Variants in KIAA1217 observed in about 807,000 individuals in gnomAD.
The protein encoded by KIAA1217 is KIAA1217.
KIAA1217 carries 88 observed loss-of-function variants against 163.9 expected under a neutral mutation model. The ratio of observed to expected loss-of-function variants is 0.54; its 90% CI spans 0.45 to 0.64. The LOEUF is 0.64. KIAA1217 is among the 30% of genes least tolerant of loss of function. The pLI is 0.00. For missense variants in KIAA1217, 2,372 were observed against 2,475.0 expected (o/e 0.96, Z 0.88); for synonymous variants, 903 against 923.1 (o/e 0.98, Z 0.39).
At chr10:23,940,443 A>G (rs1355155898) in intron 1 of KIAA1217, among the ~76,000 whole-genome samples, 3 of 147,974 alleles carry the variant, frequency 2.0e-5, no homozygotes, top group Non-Finnish European at 4.5e-5. Flanking sequence ...CTGGGCGACA[A>G]CAGAGAGACT....
intron 1 of KIAA1217, among the ~76,000 whole-genome samples, chr10:23,972,543 A>G (rs1388595741): frequency 6.6e-6 from 1 of 152,106 alleles, no homozygotes; most frequent in Non-Finnish European, 1.5e-5. Flanking sequence ...ATTCTCACTC[A>G]CTATAAATAA....
intron 3 of KIAA1217, among the ~76,000 whole-genome samples, chr10:24,426,820 T>C (rs979600229): frequency 1.3e-5 from 2 of 152,106 alleles, no homozygotes; most frequent in Non-Finnish European, 2.9e-5. Context: ...ATGTGCACCG[T>C]AAGAGGTCCA....
At chr10:24,447,395 C>T (rs2061027738) in intron 5 of KIAA1217, among the ~76,000 whole-genome samples, 1 of 152,098 alleles carries the variant, frequency 6.6e-6, no homozygotes, top group South Asian at 2.1e-4. Context: ...ACTCCTCCCA[C>T]CCCACAACAG....
At chr10:23,990,082 C>A (rs2059408687) in intron 1 of KIAA1217, among the ~76,000 whole-genome samples, 1 of 152,126 alleles carries the variant, frequency 6.6e-6, no homozygotes, top group Admixed American at 6.6e-5. Context: ...CCTGTGTCCC[C>A]TTTTTTATGG....
At chr10:23,802,047 G>A (rs1836491932) in intron 1 of KIAA1217, among the ~76,000 whole-genome samples, 2 of 152,168 alleles carry the variant, frequency 1.3e-5, no homozygotes, top group Admixed American at 1.3e-4. Context: ...GACCTTCTTG[G>A]AAATAGTTTT....
intron 1 of KIAA1217, among the ~76,000 whole-genome samples, chr10:23,797,746 C>G (rs150373218): frequency 2.0e-5 from 3 of 152,164 alleles, no homozygotes; most frequent in African/African-American, 4.8e-5. Flanking sequence ...CCCCTATGAT[C>G]CCATCACCTC....
At chr10:24,037,642 G>T (rs1848452289) in intron 2 of KIAA1217, among the ~76,000 whole-genome samples, 1 of 152,190 alleles carries the variant, frequency 6.6e-6, no homozygotes, top group Admixed American at 6.5e-5. Flanking sequence ...GAGACAGATT[G>T]TCTATTCCAG....
At chr10:23,944,995 G>T (rs969631336) in intron 1 of KIAA1217, among the ~76,000 whole-genome samples, 3 of 150,624 alleles carry the variant, frequency 2.0e-5, no homozygotes, top group Non-Finnish European at 4.4e-5. Context: ...GGAGGCGGAG[G>T]TTGCAGTGAG....
chr10:23,725,882 G>T (rs1411752788), intron 1 of KIAA1217, among the ~76,000 whole-genome samples: 1 of 152,146 alleles, frequency 6.6e-6, no homozygotes, highest in Non-Finnish European at 1.5e-5. Context: ...TAATAGATAT[G>T]TATACCAACT....
intron 2 of KIAA1217, among the ~76,000 whole-genome samples, chr10:24,371,502 A>G (rs1313839315): frequency 2.0e-5 from 3 of 152,208 alleles, no homozygotes; most frequent in Non-Finnish European, 4.4e-5. Context: ...AAAAGGTGGA[A>G]TGCAATCTGC....
intron 2 of KIAA1217, among the ~76,000 whole-genome samples, chr10:24,162,806 A>G (rs955110871): frequency 9.2e-5 from 14 of 152,074 alleles, no homozygotes; most frequent in African/African-American, 3.1e-4. Context: ...TCTGTTTCCA[A>G]GCTCTCTTAT....
chr10:24,484,241 A>ATTTTTTTTTTTTTT (rs59233394), intron 6 of KIAA1217, among the ~76,000 whole-genome samples: 3 of 75,144 alleles, frequency 4.0e-5, no homozygotes, highest in Non-Finnish European at 5.0e-5. Flanking sequence ...ATATATATAT[A>ATTTTTTTTTTTTTT]TTTTTTTTTT....
intron 2 of KIAA1217, among the ~76,000 whole-genome samples, chr10:24,192,121 C>T (rs916961675): frequency 1.3e-5 from 2 of 152,120 alleles, no homozygotes; most frequent in South Asian, 4.1e-4. Context: ...AAAGGAAGAT[C>T]CAAAGAAAGA....
At chr10:24,388,785 T>G (rs185249619) in intron 3 of KIAA1217, among the ~76,000 whole-genome samples, 1,717 of 151,612 alleles carry the variant, frequency 0.011, 35 homozygotes, top group African/African-American at 0.039. Flanking sequence ...CATTTATGCA[T>G]CCAACAGACA....
At chr10:24,019,314 AC>A (rs1460696039) in intron 2 of KIAA1217, among the ~76,000 whole-genome samples, 4 of 152,092 alleles carry the variant, frequency 2.6e-5, no homozygotes, top group Admixed American at 6.6e-5. Flanking sequence ...ATAAATATAT[AC>A]AATTTGGCAT....
chr10:24,206,299 C>G (rs1283156704), upstream of KIAA1217, among the ~76,000 whole-genome samples: 2 of 152,178 alleles, frequency 1.3e-5, no homozygotes, highest in East Asian at 3.9e-4. Context: ...ATTTTTAAGC[C>G]CAGAAATTAA....
chr10:24,160,156 C>T (rs972693514), intron 2 of KIAA1217, among the ~76,000 whole-genome samples: 9 of 152,126 alleles, frequency 5.9e-5, no homozygotes, highest in African/African-American at 2.2e-4. Flanking sequence ...AGTTCTCTAA[C>T]TTTGCTCTTC....
chr10:23,892,932 T>C (rs1325664341), intron 1 of KIAA1217, among the ~76,000 whole-genome samples: 1 of 151,980 alleles, frequency 6.6e-6, no homozygotes, highest in African/African-American at 2.4e-5. Context: ...TTGACGTCTC[T>C]TTGAAAAGCA....
At chr10:24,030,999 T>C (rs1338861329) in intron 2 of KIAA1217, among the ~76,000 whole-genome samples, 4 of 152,220 alleles carry the variant, frequency 2.6e-5, no homozygotes, top group Admixed American at 6.5e-5. Context: ...GCTGTACAAA[T>C]ATCTGTTCGA....
Sources: allele counts gnomAD v4.1 joint callset (sites outside exome capture counted in the v4.1 genomes callset), GRCh38; gene constraint gnomAD v4.1.1; transcripts MANE v1.5; gene names NCBI Gene and HGNC (gene_info 2026-07-23, HGNC 2026-07-21).